The following SLC45A4 variants were observed in gnomAD, a reference collection of about 807,000 sequenced individuals.
The protein encoded by SLC45A4 is polyamine-transporter SLC45A4.
SLC45A4 carries 32 observed loss-of-function variants against 63.7 expected under a neutral mutation model. The observed-to-expected ratio is 0.50, with a 90% confidence interval of 0.38 to 0.67. SLC45A4 has a LOEUF of 0.67. Among genes scored for constraint, SLC45A4 ranks in the 30% least tolerant of loss-of-function variants. The pLI, the probability that SLC45A4 is intolerant of heterozygous loss-of-function variation, is 0.00. For missense variants in SLC45A4, 1,027 were observed against 1,157.7 expected (o/e 0.89, Z 1.64); for synonymous variants, 535 against 510.0 (o/e 1.05, Z -0.66).
chr8:141,253,542 G>A (rs1233744638), intron 2 of SLC45A4, among the ~76,000 whole-genome samples: 3 of 152,240 alleles, frequency 2.0e-5, no homozygotes, highest in Admixed American at 6.5e-5. Context: ...GTTGGTTTGC[G>A]AATGCAATCA....
rs1273201512 is a variant in SLC45A4 at position 141,219,016 on chromosome 8, G to A, written c.624C>T (p.Ala208=). The A allele has an allele frequency of 6.2e-7, 1 of 1,611,102 alleles. No homozygotes were observed. The highest frequency in any genetic ancestry group is 1.1e-5 in the South Asian group (1 of 90,990). The part of the protein sequence containing the change: ...IHAFSAGLGG[A]IGYVLGGLDW... ...CCAGCCCACCCAGCACGTAGCCGATGGCTCCGCCGAGGCCTGCGTGGGAGG... is the reference window on the plus strand; with the variant it reads ...CCAGCCCACCCAGCACGTAGCCGATAGCTCCGCCGAGGCCTGCGTGGGAGG... Residue 208 remains alanine, a synonymous_variant, in exon 5 of 9, where the codon GCC becomes GCT. Coordinates refer to ENST00000517878, the MANE Select transcript of SLC45A4 (RefSeq NM_001286646.2).
chr8:141,217,347 T>A (rs1208758405), intron 5 of SLC45A4, among the ~76,000 whole-genome samples, 158 bp from the exon 6 acceptor site: 1 of 152,234 alleles, frequency 6.6e-6, no homozygotes, highest in Non-Finnish European at 1.5e-5. Flanking sequence ...TCGGTTGCTA[T>A]CTGTAAAGCA....
intron 2 of SLC45A4, among the ~76,000 whole-genome samples, chr8:141,222,743 C>T (rs148189357): frequency 5.1e-4 from 77 of 152,370 alleles, no homozygotes; most frequent in African/African-American, 1.8e-3. Context: ...CAGATGACCA[C>T]GCACCTCTGA....
At chr8:141,307,537 G>T (rs1830935632) in intron 1 of SLC45A4, among the ~76,000 whole-genome samples, 2 of 107,646 alleles carry the variant, frequency 1.9e-5, no homozygotes, top group African/African-American at 8.7e-5. Flanking sequence ...GAAGGGAAGG[G>T]GAAGAAGGGG....
intron 1 of SLC45A4, among the ~76,000 whole-genome samples, chr8:141,275,619 AAAC>A (rs1199836115): frequency 2.4e-4 from 37 of 152,196 alleles, no homozygotes; most frequent in Admixed American, 1.2e-3. Context: ...CAAAAAAAAA[AAAC>A]AACAACAACC....
At chr8:141,251,365 C>T (rs1828456770) in intron 2 of SLC45A4, among the ~76,000 whole-genome samples, 1 of 152,116 alleles carries the variant, frequency 6.6e-6, no homozygotes. Context: ...CCTTGCCCTG[C>T]TCTCCATGAA....
chr8:141,257,790 A>G (rs1828860577), intron 1 of SLC45A4, among the ~76,000 whole-genome samples: 1 of 152,142 alleles, frequency 6.6e-6, no homozygotes, highest in Non-Finnish European at 1.5e-5. Flanking sequence ...ATGCCTTTCA[A>G]CTCACCACAG....
chr8:141,300,887 T>A (rs141546142), intron 1 of SLC45A4, among the ~76,000 whole-genome samples: 1 of 152,220 alleles, frequency 6.6e-6, no homozygotes, highest in South Asian at 2.1e-4. Context: ...AAGCTTAACA[T>A]GGAGCAGCAC....
At chr8:141,267,734 C>T (rs775108247) in intron 1 of SLC45A4, among the ~76,000 whole-genome samples, 7 of 148,896 alleles carry the variant, frequency 4.7e-5, no homozygotes, top group Non-Finnish European at 7.4e-5. Flanking sequence ...ACTCCACACT[C>T]GAGGTCCTCA....
intron 6 of SLC45A4, among the ~76,000 whole-genome samples, chr8:141,216,539 T>C (rs1826165427): frequency 6.6e-6 from 1 of 152,216 alleles, no homozygotes; most frequent in Admixed American, 6.5e-5. Context: ...GGCATTTACT[T>C]CGGCCATCCT....
intron 1 of SLC45A4, among the ~76,000 whole-genome samples, chr8:141,277,786 C>A (rs1279091502): frequency 6.6e-6 from 1 of 152,028 alleles, no homozygotes; most frequent in African/African-American, 2.4e-5. Context: ...ACTACAGGCG[C>A]CCACCACCAC....
intron 2 of SLC45A4, among the ~76,000 whole-genome samples, chr8:141,242,750 T>C (rs889718672): frequency 2.0e-5 from 3 of 152,170 alleles, no homozygotes; most frequent in African/African-American, 7.2e-5. Flanking sequence ...AGATACTGTC[T>C]TCCACGAGCA....
intron 2 of SLC45A4, among the ~76,000 whole-genome samples, chr8:141,251,662 T>C (rs1828473033): frequency 6.6e-6 from 1 of 152,226 alleles, no homozygotes; most frequent in East Asian, 1.9e-4. Flanking sequence ...CCAGGTCCTC[T>C]GGCCTTCTCA....
At chr8:141,220,656 G>A (rs1435230158) in intron 3 of SLC45A4, among the ~76,000 whole-genome samples, 2 of 152,246 alleles carry the variant, frequency 1.3e-5, no homozygotes, top group Admixed American at 6.5e-5. Context: ...CGTGGGAGGC[G>A]CGGGAGAAGG....
At chr8:141,295,338 T>C (rs1830505286) in intron 1 of SLC45A4, among the ~76,000 whole-genome samples, 2 of 152,222 alleles carry the variant, frequency 1.3e-5, no homozygotes, top group Non-Finnish European at 2.9e-5. Flanking sequence ...CTCCCAGTCC[T>C]GGCAGGAAGA....
intron 1 of SLC45A4, among the ~76,000 whole-genome samples, chr8:141,273,689 T>C (rs1000015547): frequency 6.6e-6 from 1 of 152,088 alleles, no homozygotes; most frequent in Non-Finnish European, 1.5e-5. Context: ...AATTAGACCT[T>C]TTGATGGTTC....
At chr8:141,305,081 G>C in intron 1 of SLC45A4, among the ~76,000 whole-genome samples, 1 of 152,126 alleles carries the variant, frequency 6.6e-6, no homozygotes, top group African/African-American at 2.4e-5. Context: ...GAGGTCTCCC[G>C]GTCCTCTGAA....
At chr8:141,270,353 C>T (rs1829468104) in intron 1 of SLC45A4, among the ~76,000 whole-genome samples, 1 of 147,478 alleles carries the variant, frequency 6.8e-6, no homozygotes, top group South Asian at 2.2e-4. Flanking sequence ...ACAGCGAGAC[C>T]CCATCTCTAC....
At position 141,254,590 on chromosome 8, in the gene SLC45A4, A is replaced by G. The variant is rs1273819610; in HGVS notation, c.-361T>C. 2.8e-6 allele frequency: 2 copies of G among 702,180 alleles called. No homozygotes were observed. The highest frequency in any genetic ancestry group is 5.2e-6 in the Non-Finnish European group (2 of 384,796). 43.5% of individuals were successfully genotyped at this position (702,180 alleles called of 1,614,324 possible). A position where few individuals can be genotyped will look rare whatever the true frequency, so the allele number is the denominator to read the frequency against. ...AGAGAGGTGGGAAGGTGATACAAAC[A>G]GGTGGTCCGCTGGTAATCCCCATCG... On this transcript the variant is annotated 5_prime_UTR_variant, in exon 2 of 9. Coordinates refer to ENST00000517878, the MANE Select transcript of SLC45A4 (RefSeq NM_001286646.2). This position sits in a 1 kb window ranked among gnomAD's most constrained non-coding sequence, Gnocchi z 4.5.
Sources: gnomAD v4.1 joint callset for allele counts (sites outside exome capture counted in the v4.1 genomes callset) on GRCh38, gnomAD v4.1.1 for gene constraint, Gnocchi (gnomAD v3.1) non-coding constraint, MANE v1.5 for transcripts, NCBI Gene and HGNC (gene_info 2026-07-23, HGNC 2026-07-21) for gene names.